The following MSRA variants were observed in gnomAD, a reference collection of about 807,000 sequenced individuals.
MSRA encodes methionine sulfoxide reductase A, also known as mitochondrial peptide methionine sulfoxide reductase.
MSRA carries 54 observed loss-of-function variants against 31.3 expected under a neutral mutation model. The ratio of observed to expected loss-of-function variants is 1.73; its 90% CI spans 1.39 to 2.17. MSRA has a LOEUF of 2.17. Among genes scored for constraint, MSRA ranks in the 30% most tolerant of loss-of-function variants. MSRA has a pLI of 0.00. For synonymous variants in MSRA, 169 were observed against 116.5 expected, an observed-to-expected ratio of 1.45 and a Z score of -2.90; for missense variants, 507 against 300.9, an observed-to-expected ratio of 1.69 and a Z score of -5.07.
rs1251775232 is a variant in MSRA, at chr8:10,215,167, A to T, written c.211+7266A>T. Among the ~76,000 whole-genome samples, 3 of 152,216 alleles carry T rather than the reference A, an allele frequency of 2.0e-5. No homozygotes were observed. In the East Asian group the frequency reaches 5.8e-4, roughly 29 times the overall value. ...CTTGTATAGAGATCACTTATCCATGAACTTCTCCCATTTCGGTTGTAAGTA... is the reference window on the plus strand; with the variant it reads ...CTTGTATAGAGATCACTTATCCATGTACTTCTCCCATTTCGGTTGTAAGTA... On this transcript the variant is annotated intron_variant, in intron 2 of 5. Transcript: ENST00000317173.
chr8:10,393,957 C>G (rs899303290), intron 5 of MSRA, among the ~76,000 whole-genome samples: 1 of 152,200 alleles, frequency 6.6e-6, no homozygotes, highest in Non-Finnish European at 1.5e-5. Flanking sequence ...ACACAGCCAT[C>G]CCCCAGGCCT....
intron 5 of MSRA, among the ~76,000 whole-genome samples, chr8:10,373,246 A>C (rs1805576160): frequency 6.6e-6 from 1 of 152,220 alleles, no homozygotes; most frequent in Admixed American, 6.5e-5. Context: ...AGTTCATGAA[A>C]TAGGTACTGT....
chr8:10,069,181 A>G (rs1392876323), intron 1 of MSRA, among the ~76,000 whole-genome samples: 1 of 152,206 alleles, frequency 6.6e-6, no homozygotes, highest in Non-Finnish European at 1.5e-5. Flanking sequence ...TGGATTTTCT[A>G]CATAGACAGT....
At chr8:10,291,293 G>A (rs539838543) in intron 3 of MSRA, among the ~76,000 whole-genome samples, 3 of 151,986 alleles carry the variant, frequency 2.0e-5, no homozygotes, top group African/African-American at 7.3e-5. Context: ...TCCCCATGGC[G>A]GGCCAACAAC....
intron 2 of MSRA, among the ~76,000 whole-genome samples, chr8:10,233,097 A>C (rs1284025297): frequency 6.6e-6 from 1 of 152,198 alleles, no homozygotes; most frequent in Non-Finnish European, 1.5e-5. Context: ...CCTTAGGTTA[A>C]ATATTTTGTA....
At chr8:10,105,772 C>G (rs1043749559) in intron 1 of MSRA, among the ~76,000 whole-genome samples, 1 of 152,166 alleles carries the variant, frequency 6.6e-6, no homozygotes. Flanking sequence ...GCTGAGGCTC[C>G]TTGTGTATCT....
intron 1 of MSRA, among the ~76,000 whole-genome samples, chr8:10,073,474 A>G (rs549903434): frequency 3.4e-4 from 52 of 152,256 alleles, no homozygotes; most frequent in Non-Finnish European, 6.0e-4. Flanking sequence ...AACCTAAAAT[A>G]TTTATTATCT....
chr8:10,101,957 T>C (rs1799557582), intron 1 of MSRA, among the ~76,000 whole-genome samples: 1 of 152,218 alleles, frequency 6.6e-6, no homozygotes, highest in South Asian at 2.1e-4. Flanking sequence ...ACTTCAGTTG[T>C]ACTCCCTTCT....
chr8:10,279,932 G>C (rs1311524681), intron 3 of MSRA, among the ~76,000 whole-genome samples: 2 of 152,156 alleles, frequency 1.3e-5, no homozygotes, highest in African/African-American at 4.8e-5. Context: ...ATATTCTGTT[G>C]AATTTACCTC....
chr8:10,281,453 A>G (rs1488861617), intron 3 of MSRA, among the ~76,000 whole-genome samples: 2 of 152,226 alleles, frequency 1.3e-5, no homozygotes, highest in African/African-American at 4.8e-5. Flanking sequence ...CTATAAACCC[A>G]CTGGGATGGC....
intron 1 of MSRA, among the ~76,000 whole-genome samples, chr8:10,120,301 A>G (rs750860397): frequency 6.6e-6 from 1 of 152,146 alleles, no homozygotes; most frequent in Non-Finnish European, 1.5e-5. Context: ...TGATTGTACC[A>G]AATAGGAAGG....
At chr8:10,184,514 A>T (rs917862459) in intron 1 of MSRA, among the ~76,000 whole-genome samples, 4 of 151,868 alleles carry the variant, frequency 2.6e-5, no homozygotes, top group Non-Finnish European at 5.9e-5. Context: ...AAATGGCTTG[A>T]TTTACATTGG....
intron 3 of MSRA, chr8:10,250,366 C>T: frequency 2.9e-6 from 2 of 698,006 alleles, no homozygotes; most frequent in Admixed American, 4.0e-5. Context: ...CCATTTCTGG[C>T]AAGAAAACCC....
chr8:10,148,828 C>T (rs533302307), intron 1 of MSRA, among the ~76,000 whole-genome samples: 38 of 33,606 alleles, frequency 1.1e-3, no homozygotes, highest in Non-Finnish European at 1.9e-3. Flanking sequence ...GAAACTCTGT[C>T]TCAAAAAAAA....
Position 10,428,374 on chromosome 8 carries a change from T to C in MSRA, c.*62T>C, listed in dbSNP as rs1005337384. On this transcript the variant is annotated 3_prime_UTR_variant, in exon 6 of 6. Coordinates refer to ENST00000317173, the MANE Select transcript of MSRA (RefSeq NM_012331.5). Reference sequence around the variant, plus strand: ...AAAATGCTTTCAACAAATTGGGCAATGCTTGTGTGATTCACAATCGTGGCA... The same window carrying C: ...AAAATGCTTTCAACAAATTGGGCAACGCTTGTGTGATTCACAATCGTGGCA... The C allele has an allele frequency of 7.8e-6, 12 of 1,539,394 alleles. No homozygotes were observed. In the South Asian group the frequency reaches 1.0e-4, roughly 13 times the overall value.
At chr8:10,125,441 C>G (rs1235351264) in intron 1 of MSRA, among the ~76,000 whole-genome samples, 1 of 152,178 alleles carries the variant, frequency 6.6e-6, no homozygotes, top group East Asian at 1.9e-4. Context: ...AAGGGGGACA[C>G]TCAGGAGTGA....
intron 5 of MSRA, among the ~76,000 whole-genome samples, chr8:10,398,317 CCTT>C (rs1316855550): frequency 6.6e-6 from 1 of 152,184 alleles, no homozygotes; most frequent in Non-Finnish European, 1.5e-5. Context: ...CTGGATTCTG[CCTT>C]TATGTAATTC....
At chr8:10,197,978 A>G (rs1563207933) in intron 1 of MSRA, among the ~76,000 whole-genome samples, 1 of 152,172 alleles carries the variant, frequency 6.6e-6, no homozygotes, top group African/African-American at 2.4e-5. Context: ...GTTGTCATGG[A>G]AGAGAGGGTG....
intron 5 of MSRA, among the ~76,000 whole-genome samples, chr8:10,338,686 G>T (rs923921193): frequency 1.3e-5 from 2 of 152,184 alleles, no homozygotes; most frequent in African/African-American, 4.8e-5. Flanking sequence ...TTTCAGGATT[G>T]AGAAAACTCT....
Sources: gnomAD v4.1 joint callset for allele counts (sites outside exome capture counted in the v4.1 genomes callset) on GRCh38, gnomAD v4.1.1 for gene constraint, MANE v1.5 for transcripts, NCBI Gene and HGNC (gene_info 2026-07-23, HGNC 2026-07-21) for gene names.